Variants in FHIT observed in about 807,000 individuals in gnomAD.
FHIT encodes the protein fragile histidine triad diadenosine triphosphatase.
Under a neutral mutation model 17.9 loss-of-function variants are expected in FHIT, and 19 were observed. The observed-to-expected ratio is 1.06, with a 90% CI of 0.74 to 1.56. The LOEUF (loss-of-function observed/expected upper bound fraction) is 1.56, where lower values mean the gene tolerates loss of function less well. FHIT is among the 40% of genes most tolerant of loss of function. The probability of loss-of-function intolerance (pLI) is 0.00; values close to 1 mark genes in which losing one functional copy is unlikely to be tolerated. For missense variants in FHIT, 248 were observed against 189.2 expected, an observed-to-expected ratio of 1.31 and a Z score of -1.82; for synonymous variants, 81 against 69.7, an observed-to-expected ratio of 1.16 and a Z score of -0.81.
At chr3:59,936,120 T>C (rs1304274786) in intron 7 of FHIT, among the ~76,000 whole-genome samples, 3 of 152,054 alleles carry the variant, frequency 2.0e-5, no homozygotes, top group Non-Finnish European at 2.9e-5. Context: ...CAAGGGGATA[T>C]ATTTGTTCTT....
intron 4 of FHIT, among the ~76,000 whole-genome samples, chr3:60,741,533 T>G (rs1424168512): frequency 1.3e-5 from 2 of 152,210 alleles, no homozygotes; most frequent in African/African-American, 2.4e-5. Flanking sequence ...CAAGACAGAC[T>G]CCACTCGGAC....
intron 2 of FHIT, among the ~76,000 whole-genome samples, chr3:61,069,161 A>G (rs1351696509): frequency 6.6e-6 from 1 of 152,160 alleles, no homozygotes; most frequent in East Asian, 1.9e-4. Flanking sequence ...TCCAAGAAGG[A>G]GGGCAGAGTT....
intron 4 of FHIT, among the ~76,000 whole-genome samples, chr3:60,645,711 A>G (rs1448382242): frequency 6.6e-6 from 1 of 152,090 alleles, no homozygotes; most frequent in Non-Finnish European, 1.5e-5. Flanking sequence ...CTAACATCCT[A>G]CTACCTACGT....
chr3:60,194,589 A>G (rs980016290), intron 5 of FHIT, among the ~76,000 whole-genome samples: 1 of 152,142 alleles, frequency 6.6e-6, no homozygotes, highest in African/African-American at 2.4e-5. Flanking sequence ...AATAAATGAT[A>G]CCTAATTAAA....
At chr3:60,033,114 C>A (rs80164230) in intron 5 of FHIT, among the ~76,000 whole-genome samples, 1,530 of 152,108 alleles carry the variant, frequency 0.01, 18 homozygotes, top group African/African-American at 0.035. Flanking sequence ...TTTTTTGGAT[C>A]CTGATCCAAC....
intron 7 of FHIT, among the ~76,000 whole-genome samples, chr3:59,956,426 T>C (rs1707402085): frequency 2.0e-5 from 3 of 152,106 alleles, no homozygotes; most frequent in Admixed American, 6.6e-5. Flanking sequence ...TCTCAGCACT[T>C]TGGGAGGCCG....
intron 4 of FHIT, among the ~76,000 whole-genome samples, chr3:60,660,459 A>G: frequency 6.6e-6 from 1 of 152,094 alleles, no homozygotes; most frequent in Non-Finnish European, 1.5e-5. Context: ...GTTAAGGGCA[A>G]TTTACTGCCC....
chr3:59,907,601 G>T (rs1183352983), intron 8 of FHIT, among the ~76,000 whole-genome samples: 4 of 152,216 alleles, frequency 2.6e-5, no homozygotes, highest in African/African-American at 9.6e-5. Context: ...GCACGTGCAT[G>T]CATGTGTGTG....
At chr3:60,552,561 G>C (rs1219829205) in intron 4 of FHIT, among the ~76,000 whole-genome samples, 1 of 152,038 alleles carries the variant, frequency 6.6e-6, no homozygotes, top group Non-Finnish European at 1.5e-5. Context: ...TTTTTATTTT[G>C]AAAGTTCCTA....
intron 5 of FHIT, among the ~76,000 whole-genome samples, chr3:60,130,793 A>ACACATATATATGTGTGTGTCTGTG (rs1165614900): frequency 7.1e-6 from 1 of 140,428 alleles, no homozygotes; most frequent in African/African-American, 2.7e-5. Flanking sequence ...TGGTGTGTAT[A>ACACATATATATGTGTGTGTCTGTG]TACACACATA....
At chr3:60,940,701 C>A (rs1553774287) in intron 3 of FHIT, among the ~76,000 whole-genome samples, 1 of 152,006 alleles carries the variant, frequency 6.6e-6, no homozygotes, top group East Asian at 1.9e-4. Context: ...AAAAATTGAC[C>A]TTACAGTATA....
At chr3:59,755,902 G>A (rs1317845450) in intron 8 of FHIT, among the ~76,000 whole-genome samples, 1 of 151,924 alleles carries the variant, frequency 6.6e-6, no homozygotes, top group Admixed American at 6.6e-5. Flanking sequence ...CCAAGAAGGC[G>A]AGAGTTAGTT....
chr3:60,675,158 G>A (rs192356368), intron 4 of FHIT, among the ~76,000 whole-genome samples: 8 of 152,296 alleles, frequency 5.3e-5, no homozygotes, highest in Non-Finnish European at 7.3e-5. Context: ...AACAGTTGCC[G>A]CATACATTTT....
intron 5 of FHIT, among the ~76,000 whole-genome samples, chr3:60,051,187 C>T (rs182067858): frequency 9.2e-4 from 140 of 152,082 alleles, no homozygotes; most frequent in African/African-American, 3.2e-3. Context: ...CATGTTTAGG[C>T]GGAGACTCAC....
intron 4 of FHIT, among the ~76,000 whole-genome samples, chr3:60,542,288 T>G (rs911901874): frequency 6.6e-6 from 1 of 152,194 alleles, no homozygotes; most frequent in African/African-American, 2.4e-5. Context: ...CAAGTTACAC[T>G]GTGACTACCA....
intron 3 of FHIT, among the ~76,000 whole-genome samples, chr3:60,997,533 T>C (rs1285545509): frequency 1.3e-5 from 2 of 152,176 alleles, no homozygotes; most frequent in Non-Finnish European, 2.9e-5. Context: ...GCACTTTTCC[T>C]AGTCATCTCT....
intron 4 of FHIT, among the ~76,000 whole-genome samples, chr3:60,629,459 A>G (rs1576998689): frequency 1.3e-5 from 2 of 152,188 alleles, no homozygotes; most frequent in East Asian, 1.9e-4. Context: ...GAAATGGTCC[A>G]TGGAACACCT....
chr3:60,619,564 C>A (rs2039054768), intron 4 of FHIT, among the ~76,000 whole-genome samples: 1 of 135,734 alleles, frequency 7.4e-6, no homozygotes, highest in Non-Finnish European at 1.5e-5. Flanking sequence ...ATAGTCTTTT[C>A]CACAAATGGA....
intron 2 of FHIT, among the ~76,000 whole-genome samples, chr3:61,111,378 TAATC>T (rs1452144820): frequency 1.3e-5 from 2 of 152,164 alleles, no homozygotes; most frequent in Non-Finnish European, 2.9e-5. Flanking sequence ...TATAAAACAT[TAATC>T]ACTGGAAATA....
Sources: allele counts gnomAD v4.1 joint callset (sites outside exome capture counted in the v4.1 genomes callset), GRCh38; gene constraint gnomAD v4.1.1; transcripts MANE v1.5; gene names NCBI Gene and HGNC (gene_info 2026-07-23, HGNC 2026-07-21).